NBPF26: variants seen among roughly 807,000 people sequenced by gnomAD.
NBPF26 encodes the protein NBPF member 26, also known as NBPF family member NBPF26.
A neutral mutation model predicts 119.6 loss-of-function variants in NBPF26; 79 were observed. That is an observed-to-expected ratio of 0.66 (90% CI 0.55 to 0.80). NBPF26 has a LOEUF of 0.80. NBPF26 is among the 30% of genes least tolerant of loss of function. NBPF26 has a pLI of 0.00. For missense variants in NBPF26, 800 were observed against 1,198.2 expected (o/e 0.67, Z 4.91); for synonymous variants, 299 against 457.7 (o/e 0.65, Z 4.43).
intron 2 of NBPF26, among the ~76,000 whole-genome samples, chr1:120,767,873 CATTT>C (rs1213477109): frequency 8.8e-6 from 1 of 113,136 alleles, no homozygotes; most frequent in Non-Finnish European, 1.7e-5. Context: ...ATTTTAAGGA[CATTT>C]ATTGTAGTTA....
chr1:120,793,904 C>G, intron 4 of NBPF26: 1 of 390,326 alleles, frequency 2.6e-6, no homozygotes, highest in Non-Finnish European at 4.4e-6. Context: ...ATCAACTTTA[C>G]TATGTGCTTG....
chr1:120,724,295 C>A, intron 1 of NBPF26, 45 bp downstream of exon 1: 3 of 1,367,318 alleles, frequency 2.2e-6, no homozygotes, highest in South Asian at 2.6e-5. Flanking sequence ...CCCGGGGCTG[C>A]CACCTGGGGC....
At chr1:120,770,872 T>G (rs1331313845) in intron 2 of NBPF26, among the ~76,000 whole-genome samples, 1 of 116,672 alleles carries the variant, frequency 8.6e-6, no homozygotes. Flanking sequence ...ATCAGGAATA[T>G]GATTAAAACA....
At chr1:120,754,702 C>T (rs1651061568) in intron 1 of NBPF26, among the ~76,000 whole-genome samples, 1 of 113,010 alleles carries the variant, frequency 8.8e-6, no homozygotes, top group Non-Finnish European at 1.7e-5. Flanking sequence ...CTAGTTTTTA[C>T]CATAATACAC....
rs1651392321 is a variant in NBPF26, at chr1:120,783,768, A to G, written c.156-1206A>G. 1.7e-5 allele frequency among the ~76,000 whole-genome samples: 2 copies of G among 116,496 alleles called. 1 individual carries two copies. The highest frequency in any genetic ancestry group is 1.0e-4 in the African/African-American group (2 of 19,848). The allele number at this position is 116,496 out of a possible 152,430, so 76.4% of individuals were successfully genotyped here. ...AGGGTGGCCATAATATATGGGGAAG[A>G]AGGAGAAATCAGCAATCCAGACTAA... On this transcript the variant is annotated intron_variant, in intron 2 of 29. Coordinates refer to ENST00000620612, the Ensembl canonical transcript of NBPF26.
chr1:120,810,051 CTA>C (rs1314390644), intron 8 of NBPF26, among the ~76,000 whole-genome samples, 168 bp downstream of exon 8: 175 of 133,328 alleles, frequency 1.3e-3, no homozygotes, highest in African/African-American at 5.7e-3. Context: ...TCGTGTTTCT[CTA>C]TGTGTGCCAA....
chr1:120,812,954 T>TAATAATAATA (rs1651908325), intron 10 of NBPF26, among the ~76,000 whole-genome samples: 1 of 102,242 alleles, frequency 9.8e-6, no homozygotes, highest in African/African-American at 5.8e-5. Flanking sequence ...ATAATAATAA[T>TAATAATAATA]AATAAATAAA....
At position 120,815,577 on chromosome 1, in the gene NBPF26, C is replaced by T. The variant is rs1486697704; in HGVS notation, c.2093-508C>T. On this transcript the variant is annotated intron_variant, in intron 12 of 29. Transcript: ENST00000620612. ...TTGGAGAAGGCACTTTATGTGGGGG[C>T]GTTTTGTGGTAGGAAGTGCTTCAGA... Among the ~76,000 whole-genome samples, 7 of 94,888 alleles carry T rather than the reference C, an allele frequency of 7.4e-5. 1 individual carries two copies. The highest frequency in any genetic ancestry group is 1.3e-4 in the Non-Finnish European group (7 of 52,350). 62.3% of individuals were successfully genotyped at this position (94,888 alleles called of 152,430 possible).
At chr1:120,832,604 A>G (rs1174768039) in intron 22 of NBPF26, among the ~76,000 whole-genome samples, 2 of 121,062 alleles carry the variant, frequency 1.7e-5, no homozygotes. Context: ...GTTGATTGTA[A>G]AAATATGGCA....
intron 5 of NBPF26, among the ~76,000 whole-genome samples, chr1:120,806,186 G>T (rs1196774591): frequency 8.2e-6 from 1 of 121,252 alleles, no homozygotes; most frequent in African/African-American, 4.0e-5. Context: ...GCAAAGCTCT[G>T]TTCTAGTGAC....
rs1205206745 is a variant in NBPF26 at position 120,737,786 on chromosome 1, C to T, written c.73+13536C>T. Among the ~76,000 whole-genome samples the T allele has an allele frequency of 8.7e-4, 106 of 122,214 alleles. 21 individuals are homozygous for T. The highest frequency in any genetic ancestry group is 2.0e-4 in the African/African-American group (5 of 25,212). 80.2% of individuals were successfully genotyped at this position (122,214 alleles called of 152,430 possible). A position where few individuals can be genotyped will look rare whatever the true frequency, so the allele number is the denominator to read the frequency against. On this transcript the variant is annotated intron_variant, in intron 1 of 29. Coordinates refer to ENST00000620612, the Ensembl canonical transcript of NBPF26. ...GTGGAGTTACTTTCTCAGAAAAGGG[C>T]TTTATATTTTAACATTTGTTTCCCT... is the stretch of plus-strand genomic sequence containing the variant.
chr1:120,810,717 G>A lies in NBPF26; in HGVS notation c.1564+159G>A, dbSNP rs1488834976. Among the ~76,000 whole-genome samples the A allele has an allele frequency of 2.7e-3, 304 of 113,704 alleles. 25 individuals carry two copies. Among genetic ancestry groups the A allele is most frequent in the Admixed American group, 4.6e-3 (56 of 12,158 alleles). The allele number at this position is 113,704 out of a possible 152,430, so 74.6% of individuals were successfully genotyped here. A position where few individuals can be genotyped will look rare whatever the true frequency, so the allele number is the denominator to read the frequency against. ...ACATATAATCACAGCACTTTGGAAG[G>A]CCCAAGTGGGACGATGACTTGAGTT... On this transcript the variant is annotated intron_variant, in intron 9 of 29. Coordinates refer to ENST00000620612, the Ensembl canonical transcript of NBPF26.
Position 120,818,852 on chromosome 1 carries a change from TGTG to T in NBPF26, c.2423+679_2423+681del, listed in dbSNP as rs1165257792. On this transcript the variant is annotated intron_variant, in intron 15 of 29. Transcript: ENST00000620612. The stretch of plus-strand genomic sequence containing the variant: ...ATGGCACTGTGGTCTGACAGTTTGT[TGTG>T]ATTTCCATTCTTTTACATTTGCTGA... Among the ~76,000 whole-genome samples the T allele has an allele frequency of 1.7e-5, 2 of 115,806 alleles. 1 individual carries two copies. Among genetic ancestry groups the T allele is most frequent in the Admixed American group, 1.7e-4 (2 of 11,880 alleles). 76.0% of individuals were successfully genotyped at this position (115,806 alleles called of 152,430 possible).
chr1:120,785,140 C>T, exon 3 of NBPF26: 1 of 1,446,680 alleles, frequency 6.9e-7, no homozygotes, highest in Non-Finnish European at 9.2e-7. Context: ...GACACCTCAT[C>T]CATGCTTTGT....
In NBPF26 at chr1:120,822,917, C is replaced by A. The variant is rs1373126267; in HGVS notation, c.2588-392C>A. Reference sequence around the variant, plus strand: ...GAGCTGGTACATTGCACCCTTTCATCAAATCTCTGTGTCCACAATCTCATA... The same window carrying A: ...GAGCTGGTACATTGCACCCTTTCATAAAATCTCTGTGTCCACAATCTCATA... On this transcript the variant is annotated intron_variant, in intron 16 of 29. Coordinates refer to ENST00000620612, the Ensembl canonical transcript of NBPF26. 1.9e-4 allele frequency among the ~76,000 whole-genome samples: 24 copies of A among 124,454 alleles called. 6 individuals carry two copies. Among genetic ancestry groups the A allele is most frequent in the Non-Finnish European group, 3.4e-4 (21 of 61,628 alleles). The allele number at this position is 124,454 out of a possible 152,430, so 81.6% of individuals were successfully genotyped here.
chr1:120,764,266 A>G (rs1242337346), intron 2 of NBPF26, among the ~76,000 whole-genome samples: 1 of 103,474 alleles, frequency 9.7e-6, no homozygotes, highest in Non-Finnish European at 1.8e-5. Context: ...TAAAAAAAAT[A>G]TATAAAAAAA....
chr1:120,840,400 C>T lies in NBPF26; in HGVS notation c.4154C>T (p.Ser1385Leu). The change falls in exon 30 of 30, where the codon TCA (serine) becomes TTA (leucine). Residue 1385 changes from serine to leucine, a missense_variant. Physicochemically the swap from Ser to Leu is moderately radical, Grantham distance 145. Coordinates refer to ENST00000620612, the Ensembl canonical transcript of NBPF26. ...GAAGAGCCTGAAGTCTTGCAGGACTCACTGGATATATGTTATTCGACTCCG... is the reference window on the plus strand; with the variant it reads ...GAAGAGCCTGAAGTCTTGCAGGACTTACTGGATATATGTTATTCGACTCCG... 2 of 1,464,542 alleles carry T rather than the reference C, an allele frequency of 1.4e-6. 1 individual carries two copies. 90.7% of individuals were successfully genotyped at this position (1,464,542 alleles called of 1,614,324 possible). A position where few individuals can be genotyped will look rare whatever the true frequency, so the allele number is the denominator to read the frequency against.
intron 23 of NBPF26, among the ~76,000 whole-genome samples, 194 bp downstream of exon 27, chr1:120,833,177 A>G (rs1247659557): frequency 8.5e-6 from 1 of 118,322 alleles, no homozygotes; most frequent in Non-Finnish European, 1.7e-5. Flanking sequence ...CTAACGTACC[A>G]CAGGTTGACC....
In NBPF26 at chr1:120,807,650, T is replaced by A. The variant is rs1553270288; in HGVS notation, c.1005T>A (p.Asn335Lys). The change falls in exon 6 of 30, where the codon AAT (asparagine) becomes AAA (lysine). Residue 335 changes from asparagine (N) to lysine (K), a missense_variant. Around this residue, in one of 13 missense-constraint regions of NBPF26, gnomAD observed 33 missense variants for 188.8 expected, o/e 0.17. Coordinates refer to ENST00000620612, the Ensembl canonical transcript of NBPF26. The stretch of plus-strand genomic sequence containing the variant: ...ACCTCATAAAATTTATGCTGAGGAA[T>A]GAGCGACAGTTCAAGGAGGAGAAGC... 1.8e-5 allele frequency: 26 copies of A among 1,470,824 alleles called. 1 individual carries two copies. The highest frequency in any genetic ancestry group is 4.3e-5 in the African/African-American group (2 of 47,034). The allele number at this position is 1,470,824 out of a possible 1,614,324, so 91.1% of individuals were successfully genotyped here.
Sources: allele counts gnomAD v4.1 joint callset (sites outside exome capture counted in the v4.1 genomes callset), GRCh38; gene constraint gnomAD v4.1.1; regional missense constraint gnomAD v4.1.1; transcripts MANE v1.5; gene names NCBI Gene and HGNC (gene_info 2026-07-23, HGNC 2026-07-21).